The following STPG2 variants were observed in gnomAD, a reference collection of about 807,000 sequenced individuals.
The protein encoded by STPG2 is sperm tail PG-rich repeat containing 2.
Under a neutral mutation model 54.2 loss-of-function variants are expected in STPG2, and 56 were observed. The observed-to-expected ratio is 1.03, with a 90% CI of 0.83 to 1.29. The LOEUF (loss-of-function observed/expected upper bound fraction) is 1.29. STPG2 is among the 50% of genes most tolerant of loss of function. STPG2 has a pLI of 0.00. For missense variants in STPG2, 596 were observed against 544.9 expected, an observed-to-expected ratio of 1.09 and a Z score of -0.93; for synonymous variants, 200 against 181.8, an observed-to-expected ratio of 1.10 and a Z score of -0.81.
chr4:98,048,632 C>G (rs1181940814), intron 5 of STPG2: 1 of 161,326 alleles, frequency 6.2e-6, no homozygotes, highest in Non-Finnish European at 1.4e-5. Context: ...GCATGCAGCC[C>G]CACTTTGCCT....
At chr4:97,597,965 T>C (rs948548471) in intron 10 of STPG2, among the ~76,000 whole-genome samples, 7 of 152,278 alleles carry the variant, frequency 4.6e-5, no homozygotes, top group African/African-American at 1.7e-4. Context: ...GATGATATGA[T>C]TCTATACCTA....
chr4:98,095,496 G>A (rs6846739), intron 5 of STPG2, among the ~76,000 whole-genome samples: 60,168 of 151,928 alleles, frequency 0.4, 12,154 homozygotes, highest in Middle Eastern at 0.46. Context: ...GCCAATGGAA[G>A]CCAAAAAAGA....
intron 8 of STPG2, among the ~76,000 whole-genome samples, chr4:97,878,786 C>T (rs914211368): frequency 1.3e-5 from 2 of 152,312 alleles, no homozygotes; most frequent in Admixed American, 6.5e-5. Context: ...CTCCTTATTA[C>T]TTATGCAAAT....
chr4:97,667,534 A>G (rs1428804004), intron 10 of STPG2, among the ~76,000 whole-genome samples: 1 of 152,152 alleles, frequency 6.6e-6, no homozygotes, highest in Admixed American at 6.5e-5. Flanking sequence ...TTACTTTCCA[A>G]ATTTTGTATT....
intron 7 of STPG2, among the ~76,000 whole-genome samples, chr4:97,969,117 C>A (rs1403158915): frequency 6.6e-6 from 1 of 152,156 alleles, no homozygotes; most frequent in Non-Finnish European, 1.5e-5. Flanking sequence ...AAGACATACT[C>A]CCTTCTGAGA....
intron 1 of STPG2, among the ~76,000 whole-genome samples, chr4:98,139,932 G>C (rs974120266): frequency 4.6e-5 from 7 of 152,120 alleles, no homozygotes; most frequent in African/African-American, 9.7e-5. Flanking sequence ...TAAAAACTAG[G>C]AATAATGGAG....
intron 8 of STPG2, among the ~76,000 whole-genome samples, chr4:97,891,249 C>G (rs770292152): frequency 6.6e-6 from 1 of 151,910 alleles, no homozygotes; most frequent in Non-Finnish European, 1.5e-5. Context: ...AAAAGTTTAT[C>G]TGTATAAGAA....
At position 98,020,088 on chromosome 4, in the gene STPG2, C is replaced by T. The variant is rs1039723865; in HGVS notation, c.613-38770G>A. On this transcript the variant is annotated intron_variant, in intron 5 of 10. Coordinates refer to ENST00000295268, the MANE Select transcript of STPG2 (RefSeq NM_174952.3). ...GAGTGGTGAGAGAGGGCATCCCTGT[C>T]TTGTGCCAGTTTTCAAAGGGAATGC... Among the ~76,000 whole-genome samples the T allele has an allele frequency of 1.4e-4, 17 of 124,006 alleles. 3 individuals are homozygous for T. 81.4% of individuals were successfully genotyped at this position (124,006 alleles called of 152,430 possible).
chr4:97,740,834 A>C (rs889887318), intron 9 of STPG2, among the ~76,000 whole-genome samples: 6 of 152,180 alleles, frequency 3.9e-5, no homozygotes, highest in Admixed American at 6.6e-5. Context: ...GCTACCAATG[A>C]CTTTCTTCAC....
At chr4:97,962,871 A>G (rs1478611728) in intron 7 of STPG2, among the ~76,000 whole-genome samples, 1 of 152,202 alleles carries the variant, frequency 6.6e-6, no homozygotes, top group Non-Finnish European at 1.5e-5. Flanking sequence ...AATAAATACT[A>G]TAATTCTGGC....
chr4:97,847,014 T>C (rs1478219532), intron 8 of STPG2, among the ~76,000 whole-genome samples: 2 of 152,216 alleles, frequency 1.3e-5, no homozygotes, highest in African/African-American at 4.8e-5. Flanking sequence ...ATGAAACTTG[T>C]CATTATCATT....
chr4:97,539,702 C>T (rs1310054624), intron 4 of STPG2, among the ~76,000 whole-genome samples: 1 of 152,140 alleles, frequency 6.6e-6, no homozygotes, highest in East Asian at 1.9e-4. Context: ...CCTAAGTGGA[C>T]CTAACAGACA....
intron 3 of STPG2, among the ~76,000 whole-genome samples, chr4:98,109,574 C>A (rs1475151434): frequency 4.6e-5 from 7 of 152,032 alleles, no homozygotes; most frequent in Non-Finnish European, 1.5e-5. Context: ...TTGCTCTTGG[C>A]AGTACACCCA....
intron 5 of STPG2, among the ~76,000 whole-genome samples, chr4:98,069,195 AATTTATTATTCTTCAT>A (rs1394743435): frequency 6.6e-6 from 1 of 152,070 alleles, no homozygotes; most frequent in Non-Finnish European, 1.5e-5. Context: ...TGTACTATCT[AATTTATTATTCTTCAT>A]AGGAGAATTT....
At chr4:97,892,027 C>A (rs1294304906) in intron 8 of STPG2, among the ~76,000 whole-genome samples, 2 of 152,016 alleles carry the variant, frequency 1.3e-5, no homozygotes, top group Non-Finnish European at 2.9e-5. Context: ...CTCCTCACTG[C>A]CAGAAGTCAT....
chr4:97,548,882 T>G (rs1479023462), intron 4 of STPG2, among the ~76,000 whole-genome samples: 2 of 152,204 alleles, frequency 1.3e-5, no homozygotes, highest in African/African-American at 2.4e-5. Flanking sequence ...GACAATTTTA[T>G]TTTAAAATAT....
At chr4:97,733,125 G>A (rs1243438304) in intron 9 of STPG2, among the ~76,000 whole-genome samples, 1 of 152,050 alleles carries the variant, frequency 6.6e-6, no homozygotes, top group African/African-American at 2.4e-5. Flanking sequence ...TATATTAAAA[G>A]ACACTTGCAC....
chr4:97,571,721 C>A (rs1358115886), intron 10 of STPG2, among the ~76,000 whole-genome samples: 1 of 152,140 alleles, frequency 6.6e-6, no homozygotes, highest in Non-Finnish European at 1.5e-5. Flanking sequence ...TCATGCCTCC[C>A]TAAAATGTAT....
chr4:97,903,926 C>G (rs568133513), intron 8 of STPG2, among the ~76,000 whole-genome samples: 14 of 152,358 alleles, frequency 9.2e-5, no homozygotes, highest in African/African-American at 2.9e-4. Flanking sequence ...AGATTATATT[C>G]CGCACCTGGC....
Sources: allele counts gnomAD v4.1 joint callset (sites outside exome capture counted in the v4.1 genomes callset), GRCh38; gene constraint gnomAD v4.1.1; transcripts MANE v1.5; gene names NCBI Gene and HGNC (gene_info 2026-07-23, HGNC 2026-07-21).